The following SPATA17 variants were observed in gnomAD, a reference collection of about 807,000 sequenced individuals.
SPATA17 encodes spermatogenesis associated 17.
A neutral mutation model predicts 62.2 loss-of-function variants in SPATA17; 53 were observed. The ratio of observed to expected loss-of-function variants is 0.85; its 90% CI spans 0.68 to 1.07. The LOEUF is 1.07. SPATA17 is among the 50% of genes least tolerant of loss of function. The pLI, the probability that SPATA17 is intolerant of heterozygous loss-of-function variation, is 0.00. For synonymous variants in SPATA17, 146 were observed against 146.8 expected (o/e 0.99, Z 0.04); for missense variants, 466 against 425.5 (o/e 1.10, Z -0.84).
At chr1:217,829,544 C>G (rs1336549420) in intron 9 of SPATA17, among the ~76,000 whole-genome samples, 1 of 141,812 alleles carries the variant, frequency 7.1e-6, no homozygotes, top group Admixed American at 7.5e-5. Context: ...AGGAAAATCA[C>G]TTGAACCCAG....
intron 6 of SPATA17, among the ~76,000 whole-genome samples, chr1:217,748,687 T>C (rs112939211): frequency 0.14 from 19,973 of 146,410 alleles, 1,419 homozygotes; most frequent in Non-Finnish European, 0.16. Flanking sequence ...GAGGTTGCAG[T>C]GAGCCGAGAT....
At chr1:217,729,675 C>T (rs1672349675) in intron 5 of SPATA17, among the ~76,000 whole-genome samples, 1 of 151,980 alleles carries the variant, frequency 6.6e-6, no homozygotes, top group East Asian at 1.9e-4. Context: ...CCAGGGTGTC[C>T]AACATAAAAT....
At chr1:217,726,202 T>C (rs1672253815) in intron 5 of SPATA17, among the ~76,000 whole-genome samples, 2 of 152,182 alleles carry the variant, frequency 1.3e-5, no homozygotes, top group South Asian at 4.1e-4. Context: ...TGTGCTTTTG[T>C]CACTATCCTC....
At position 217,793,215 on chromosome 1, in the gene SPATA17, G is replaced by GTTTTTTTTT. The variant is rs376041446; in HGVS notation, c.873-8498_873-8497insTTTTTTTTT. 2.6e-5 allele frequency among the ~76,000 whole-genome samples: 3 copies of GTTTTTTTTT among 114,642 alleles called. 1 individual carries two copies. Among genetic ancestry groups the GTTTTTTTTT allele is most frequent in the East Asian group, 2.8e-4 (1 of 3,524 alleles). 75.2% of individuals were successfully genotyped at this position (114,642 alleles called of 152,430 possible). On this transcript the variant is annotated intron_variant, in intron 8 of 10. Coordinates refer to ENST00000366933, the MANE Select transcript of SPATA17 (RefSeq NM_138796.4). Reference sequence around the variant, plus strand: ...GAATTGCTTTAATGTTAGGGCAGTGGTTTTTGTTTTTTTTTTTTTTTTTGA... The same window carrying GTTTTTTTTT: ...GAATTGCTTTAATGTTAGGGCAGTGGTTTTTTTTTTTTTTGTTTTTTTTTTTTTTTTTGA...
At chr1:217,866,336 C>G (rs1676009956) in intron 10 of SPATA17, 1 of 152,194 alleles carries the variant, frequency 6.6e-6, no homozygotes, top group African/African-American at 2.4e-5. Flanking sequence ...AACCACCCCA[C>G]CTACCTGTGT....
chr1:217,811,932 A>G (rs1209967417), intron 9 of SPATA17, among the ~76,000 whole-genome samples: 1 of 152,146 alleles, frequency 6.6e-6, no homozygotes, highest in Non-Finnish European at 1.5e-5. Context: ...TCAATTTATT[A>G]ATTATTGGTG....
chr1:217,649,896 A>G (rs551567274), intron 2 of SPATA17, among the ~76,000 whole-genome samples: 4 of 151,540 alleles, frequency 2.6e-5, no homozygotes, highest in African/African-American at 7.3e-5. Context: ...AGTAAGAGCT[A>G]GACATGCAAA....
At chr1:217,748,015 T>C (rs1345299862) in intron 6 of SPATA17, among the ~76,000 whole-genome samples, 1 of 152,096 alleles carries the variant, frequency 6.6e-6, no homozygotes, top group Non-Finnish European at 1.5e-5. Flanking sequence ...TTTTAAAAAT[T>C]AAACTTGGCC....
intron 9 of SPATA17, among the ~76,000 whole-genome samples, chr1:217,819,649 G>A (rs1310983513): frequency 1.3e-5 from 2 of 151,970 alleles, no homozygotes; most frequent in African/African-American, 4.8e-5. Flanking sequence ...CCAAAGGTTT[G>A]CAACAATGAG....
intron 9 of SPATA17, among the ~76,000 whole-genome samples, chr1:217,839,315 C>T (rs941032253): frequency 6.6e-6 from 1 of 152,056 alleles, no homozygotes; most frequent in Non-Finnish European, 1.5e-5. Context: ...GGAAAATTGT[C>T]CCCACCAGTT....
intron 5 of SPATA17, among the ~76,000 whole-genome samples, chr1:217,693,259 A>G (rs1314965425): frequency 7.1e-6 from 1 of 140,852 alleles, no homozygotes; most frequent in Non-Finnish European, 1.5e-5. Flanking sequence ...TTTCTTCTAG[A>G]TTTTCTAGTT....
At chr1:217,745,310 T>C (rs1202787695) in intron 6 of SPATA17, among the ~76,000 whole-genome samples, 2 of 152,188 alleles carry the variant, frequency 1.3e-5, no homozygotes, top group Non-Finnish European at 2.9e-5. Flanking sequence ...TTTGAACCTA[T>C]GGAGCCACTT....
chr1:217,810,227 G>A (rs1462075491), intron 9 of SPATA17, among the ~76,000 whole-genome samples: 1 of 152,122 alleles, frequency 6.6e-6, no homozygotes, highest in Non-Finnish European at 1.5e-5. Flanking sequence ...TGGATACACA[G>A]TAAAAAGAAA....
intron 9 of SPATA17, among the ~76,000 whole-genome samples, chr1:217,821,041 G>A (rs937107476): frequency 1.3e-5 from 2 of 152,034 alleles, no homozygotes; most frequent in Admixed American, 6.6e-5. Flanking sequence ...CAATCCCCCA[G>A]AACCAATCCC....
At chr1:217,841,741 T>C (rs920717067) in intron 9 of SPATA17, among the ~76,000 whole-genome samples, 3 of 151,830 alleles carry the variant, frequency 2.0e-5, no homozygotes, top group Admixed American at 2.0e-4. Context: ...TTATGAATAA[T>C]ACACATGTCA....
chr1:217,734,605 T>C lies in SPATA17; in HGVS notation c.396-7370T>C, dbSNP rs1453389430. Among the ~76,000 whole-genome samples, 6 of 152,296 alleles carry C rather than the reference T, an allele frequency of 3.9e-5. No homozygotes were observed. The East Asian group carries it at 9.6e-4, about 24-fold the overall frequency. ...AAAAAGTTGTTTAAATCCATTTCGT[T>C]AGAATTTTATTTTTTCTTAAAGATG... On this transcript the variant is annotated intron_variant, in intron 5 of 10. Transcript: ENST00000366933.
intron 4 of SPATA17, among the ~76,000 whole-genome samples, chr1:217,676,580 C>T (rs2102901716): frequency 6.6e-6 from 1 of 152,212 alleles, no homozygotes; most frequent in African/African-American, 2.4e-5. Flanking sequence ...ATAATGGGGA[C>T]ATATAATCTG....
chr1:217,749,973 CTCTCTCTCTCTCTA>C (rs1294228024), intron 6 of SPATA17, among the ~76,000 whole-genome samples: 5 of 43,740 alleles, frequency 1.1e-4, no homozygotes, highest in African/African-American at 1.8e-4. Flanking sequence ...CTCTCTCTCT[CTCTCTCTCTCTCTA>C]TATATATATA....
intron 5 of SPATA17, among the ~76,000 whole-genome samples, chr1:217,740,043 T>C (rs1231744507): frequency 2.6e-5 from 4 of 151,932 alleles, no homozygotes; most frequent in Non-Finnish European, 2.9e-5. Context: ...TACATTTCCA[T>C]ATTCTGAAGA....
Sources: gnomAD v4.1 joint callset for allele counts (sites outside exome capture counted in the v4.1 genomes callset) on GRCh38, gnomAD v4.1.1 for gene constraint, MANE v1.5 for transcripts, NCBI Gene and HGNC (gene_info 2026-07-23, HGNC 2026-07-21) for gene names.